Variants in NUP98 observed in about 807,000 individuals in gnomAD.
The protein encoded by NUP98 is nuclear pore complex protein Nup98-Nup96.
NUP98 carries 26 observed loss-of-function variants against 191.9 expected under a neutral mutation model. The observed-to-expected ratio is 0.14, with a 90% confidence interval of 0.10 to 0.19. The LOEUF is 0.19. Among genes scored for constraint, NUP98 ranks in the 10% least tolerant of loss-of-function variants. The pLI, the probability that NUP98 is intolerant of heterozygous loss-of-function variation, is 1.00. For synonymous variants in NUP98, 808 were observed against 778.4 expected, an observed-to-expected ratio of 1.04 and a Z score of -0.63; for missense variants, 1,941 against 2,178.8, an observed-to-expected ratio of 0.89 and a Z score of 2.17.
chr11:3,760,752 A>T, intron 9 of NUP98, 126 bp from the exon 10 acceptor site: 1 of 644,474 alleles, frequency 1.6e-6, no homozygotes, highest in East Asian at 2.8e-5. Context: ...CATTCATAAA[A>T]AAGGTAGAAA....
chr11:3,742,172 C>G (rs1472242167), intron 12 of NUP98, among the ~76,000 whole-genome samples: 1 of 152,018 alleles, frequency 6.6e-6, no homozygotes. Context: ...TGTTCTGATA[C>G]CATCCTTCAG....
rs542595311 is a variant in NUP98 at position 3,695,658 on chromosome 11, G to A, written c.4010-52C>T. On this transcript the variant is annotated intron_variant, in intron 25 of 32. Coordinates refer to ENST00000324932, the MANE Select transcript of NUP98 (RefSeq NM_016320.5). The stretch of plus-strand genomic sequence containing the variant: ...TTATTACTAAGGGTTTATGGACTTC[G>A]TCAAACACTTGGGGGCATTATCTTC... 91 of 1,258,926 alleles carry A rather than the reference G, an allele frequency of 7.2e-5. No homozygotes were observed. In the East Asian group the frequency reaches 2.1e-3, roughly 30 times the overall value. 78.0% of individuals were successfully genotyped at this position (1,258,926 alleles called of 1,614,324 possible). A position where few individuals can be genotyped will look rare whatever the true frequency, so the allele number is the denominator to read the frequency against.
intron 14 of NUP98, among the ~76,000 whole-genome samples, chr11:3,730,664 G>A (rs551436142): frequency 2.6e-5 from 4 of 151,970 alleles, no homozygotes; most frequent in East Asian, 3.9e-4. Flanking sequence ...ATGCCCGGCC[G>A]GATTACTGTA....
At chr11:3,759,753 T>C (rs569982116) in intron 10 of NUP98, among the ~76,000 whole-genome samples, 243 of 152,172 alleles carry the variant, frequency 1.6e-3, no homozygotes, top group African/African-American at 5.1e-3. Flanking sequence ...TGAACATGCA[T>C]TCAAAATTTT....
chr11:3,687,749 T>C (rs561416521), intron 28 of NUP98, among the ~76,000 whole-genome samples: 1 of 152,366 alleles, frequency 6.6e-6, no homozygotes, highest in South Asian at 2.1e-4. Flanking sequence ...ATGTTATTAA[T>C]AACTTGATGC....
chr11:3,716,205 T>A (rs2079174939), intron 18 of NUP98, among the ~76,000 whole-genome samples: 2 of 152,214 alleles, frequency 1.3e-5, no homozygotes, highest in African/African-American at 4.8e-5. Context: ...TTGTAAATTT[T>A]TGGATCTCAC....
intron 11 of NUP98, among the ~76,000 whole-genome samples, chr11:3,750,324 T>C (rs978482312): frequency 6.6e-6 from 1 of 151,862 alleles, no homozygotes; most frequent in Non-Finnish European, 1.5e-5. Flanking sequence ...TCTCCCTACA[T>C]TGCCCAAGTA....
intron 6 of NUP98, among the ~76,000 whole-genome samples, chr11:3,772,812 C>CAAA (rs35653017): frequency 8.8e-4 from 118 of 133,952 alleles, no homozygotes; most frequent in African/African-American, 2.2e-3. Flanking sequence ...AGACTCGTCT[C>CAAA]AAAAAAAAAA....
In NUP98 at chr11:3,792,856, C is replaced by A. The variant is rs555089357; in HGVS notation, c.-29+4544G>T. ...GTTTGAGGCCGGGCACGGTGGCTCA[C>A]GTCTGAAATCCCAGCACTTTGGGAG... On this transcript the variant is annotated intron_variant, in intron 1 of 32. Coordinates refer to ENST00000324932, the MANE Select transcript of NUP98 (RefSeq NM_016320.5). 2.5e-4 allele frequency among the ~76,000 whole-genome samples: 38 copies of A among 152,208 alleles called. 1 individual carries two copies. The South Asian group carries it at 4.2e-3, about 17-fold the overall frequency.
chr11:3,705,184 A>G lies in NUP98; in HGVS notation c.3082+16T>C, dbSNP rs767643334. On this transcript the variant is annotated intron_variant, in intron 22 of 32. Coordinates refer to ENST00000324932, the MANE Select transcript of NUP98 (RefSeq NM_016320.5). ...CTGTACAGCTTTCTTGTAAAATAGC[A>G]TCTTTTATACTGTACCTAGTGAACG... 7 of 1,612,506 alleles carry G rather than the reference A, an allele frequency of 4.3e-6. No homozygotes were observed. Among genetic ancestry groups the G allele is most frequent in the Non-Finnish European group, 5.9e-6 (7 of 1,178,856 alleles).
intron 32 of NUP98, 53 bp downstream of exon 32, chr11:3,676,456 T>C (rs2077813689): frequency 6.2e-7 from 1 of 1,603,048 alleles, no homozygotes; most frequent in Admixed American, 1.7e-5. Flanking sequence ...GGTGTAATAA[T>C]CATAAAAACA....
At position 3,696,394 on chromosome 11, in the gene NUP98, CAA is replaced by C. The variant is rs200965664; in HGVS notation, c.4010-790_4010-789del. ...GCACGTGACTGGAGTCCCAGCTACT[CAA>C]GAGGCTGAGACACGAGAACCACTTG... On this transcript the variant is annotated intron_variant, in intron 25 of 32. Transcript: ENST00000324932. 8.7e-3 allele frequency among the ~76,000 whole-genome samples: 1,322 copies of C among 151,678 alleles called. 15 individuals are homozygous for C. Among genetic ancestry groups the C allele is most frequent in the African/African-American group, 0.031 (1,270 of 41,296 alleles).
At chr11:3,761,313 C>A (rs2081159288) in intron 9 of NUP98, among the ~76,000 whole-genome samples, 2 of 152,140 alleles carry the variant, frequency 1.3e-5, no homozygotes, top group South Asian at 4.1e-4. Flanking sequence ...GTGGACTATA[C>A]ATCAATAAAT....
At position 3,723,475 on chromosome 11, in the gene NUP98, A is replaced by G; in HGVS notation, c.1848-20T>C. ...CTAAATCTGCAAAGGAAAAGAAATA[A>G]TACCTTAGCCTCTTGTAGTAGTAAT... On this transcript the variant is annotated intron_variant, in intron 15 of 32. Transcript: ENST00000324932. 6.2e-7 allele frequency: 1 copy of G among 1,604,168 alleles called. No homozygotes were observed. Among genetic ancestry groups the G allele is most frequent in the Non-Finnish European group, 8.5e-7 (1 of 1,172,008 alleles).
At chr11:3,796,903 C>G (rs1292226682) in intron 1 of NUP98, among the ~76,000 whole-genome samples, 1 of 152,260 alleles carries the variant, frequency 6.6e-6, no homozygotes, top group Non-Finnish European at 1.5e-5. Flanking sequence ...CTCCACCGAA[C>G]CGACTCCTAT....
chr11:3,736,060 CCAA>C (rs983370759), intron 12 of NUP98, among the ~76,000 whole-genome samples: 1 of 139,178 alleles, frequency 7.2e-6, no homozygotes, highest in Non-Finnish European at 1.5e-5. Flanking sequence ...AGTCACCACA[CCAA>C]CAACAGCTAA....
chr11:3,694,904 GAACAA>G (rs776022127), intron 26 of NUP98, among the ~76,000 whole-genome samples: 5 of 151,642 alleles, frequency 3.3e-5, no homozygotes, highest in Non-Finnish European at 7.4e-5. Context: ...TTTTTTAAAT[GAACAA>G]AATATAAATA....
rs146870554 is a variant in NUP98, at chr11:3,768,644, G to C, written c.885C>G (p.Thr295=). ...TACCAAAGGAAAAGCCAGTGTTCTG[G>C]GTGGTTGTAGCCTGGCCAAATGGTT... ...FSKPFGQATT[T]QNTGFSFGNT... is the part of the protein sequence containing the mutation. The change falls in exon 8 of 33, where the codon ACC becomes ACG. Residue 295 remains threonine (T), a synonymous_variant. Transcript: ENST00000324932. The C allele has an allele frequency of 3.8e-5, 62 of 1,611,406 alleles. No individual in the cohort carries two copies. Among genetic ancestry groups the C allele is most frequent in the South Asian group, 3.2e-4 (29 of 90,838 alleles).
At chr11:3,708,178 A>G (rs1234667779) in intron 20 of NUP98, among the ~76,000 whole-genome samples, 1 of 152,216 alleles carries the variant, frequency 6.6e-6, no homozygotes, top group Non-Finnish European at 1.5e-5. Context: ...TGTCTAGCAC[A>G]TCACTAAGTT....
Sources: gnomAD v4.1 joint callset for allele counts (sites outside exome capture counted in the v4.1 genomes callset) on GRCh38, gnomAD v4.1.1 for gene constraint, MANE v1.5 for transcripts, NCBI Gene and HGNC (gene_info 2026-07-23, HGNC 2026-07-21) for gene names.